The following GPHN variants were observed in gnomAD, a reference collection of about 807,000 sequenced individuals.
The protein encoded by GPHN is gephyrin.
In GPHN, 17 loss-of-function variants were observed where a neutral mutation model predicts 95.5. That is an observed-to-expected ratio of 0.18 (90% confidence interval 0.12 to 0.27). The LOEUF (loss-of-function observed/expected upper bound fraction) is 0.27, where lower values mean the gene tolerates loss of function less well. Among genes scored for constraint, GPHN ranks in the 10% least tolerant of loss-of-function variants. GPHN has a pLI of 1.00. For missense variants in GPHN, 660 were observed against 978.1 expected (o/e 0.67, Z 4.34); for synonymous variants, 320 against 322.5 (o/e 0.99, Z 0.08).
At chr14:66,538,181 C>T (rs2059209157) in intron 1 of GPHN, among the ~76,000 whole-genome samples, 1 of 152,072 alleles carries the variant, frequency 6.6e-6, no homozygotes, top group South Asian at 2.1e-4. Flanking sequence ...CTTTGTTTTT[C>T]CTTATTGTTG....
At chr14:67,653,857 C>G in the GPHN span, among the ~76,000 whole-genome samples, 1 of 152,222 alleles carries the variant, frequency 6.6e-6, no homozygotes, top group African/African-American at 2.4e-5. Context: ...CAGCCAAATT[C>G]CAGGACAGCC....
chr14:66,913,856 G>C lies in GPHN; in HGVS notation c.390-2147G>C, dbSNP rs145660851. On this transcript the variant is annotated intron_variant, in intron 5 of 22. Transcript: ENST00000478722. ...TGGTGCTTATAGTTTTTAAATTATT[G>C]AATGATATAATGTTTGTAAAAATAC... 2.7e-3 allele frequency among the ~76,000 whole-genome samples: 415 copies of C among 152,122 alleles called. 1 individual carries two copies. The highest frequency in any genetic ancestry group is 4.4e-3 in the Non-Finnish European group (301 of 67,982).
chr14:66,833,459 A>G (rs1012213403), intron 4 of GPHN, among the ~76,000 whole-genome samples: 3 of 152,188 alleles, frequency 2.0e-5, no homozygotes, highest in Admixed American at 1.3e-4. Flanking sequence ...GGTGGGACAC[A>G]GCCAAACCAT....
chr14:67,527,289 C>T, the GPHN span, among the ~76,000 whole-genome samples: 8 of 152,134 alleles, frequency 5.3e-5, no homozygotes, highest in African/African-American at 1.7e-4. Context: ...GTCTATGCAT[C>T]TATAAAATGG....
At chr14:67,690,297 C>T in the GPHN span, 1 of 1,614,152 alleles carries the variant, frequency 6.2e-7, no homozygotes, top group Non-Finnish European at 8.5e-7. Context: ...TGTAGAATTT[C>T]TCGCCCTGCA....
intron 11 of GPHN, among the ~76,000 whole-genome samples, chr14:67,070,882 C>T (rs1171459742): frequency 6.6e-6 from 1 of 151,598 alleles, no homozygotes. Flanking sequence ...CCTATTCACA[C>T]AGAAATCAGG....
intron 8 of GPHN, 129 bp downstream of exon 8, chr14:66,924,421 T>G: frequency 1.4e-6 from 1 of 703,246 alleles, no homozygotes; most frequent in Non-Finnish European, 2.6e-6. Context: ...TGCTTTCTTG[T>G]GAAAGTGTGA....
At chr14:66,667,084 G>A (rs2066007888) in intron 1 of GPHN, among the ~76,000 whole-genome samples, 1 of 152,134 alleles carries the variant, frequency 6.6e-6, no homozygotes, top group Admixed American at 6.5e-5. Flanking sequence ...TAACAACAAA[G>A]CGAAAGATCT....
intron 11 of GPHN, among the ~76,000 whole-genome samples, chr14:67,063,041 T>C (rs945259895): frequency 1.7e-4 from 26 of 152,242 alleles, no homozygotes; most frequent in Middle Eastern, 3.2e-3. Flanking sequence ...TTCTAGGATT[T>C]TTATGGTTTT....
rs961594680 is a variant in GPHN, at chr14:66,787,871, C to A, written c.201+11350C>A. Among the ~76,000 whole-genome samples the A allele has an allele frequency of 4.1e-5, 6 of 147,554 alleles. No homozygotes were observed. In the South Asian group the frequency reaches 1.3e-3, roughly 31 times the overall value. On this transcript the variant is annotated intron_variant, in intron 3 of 22. Transcript: ENST00000478722. ...ATATAAAAAGTATTATATATATATA[C>A]TGTAAAACTGTCAGAAGAAAAAAAA...
intron 8 of GPHN, among the ~76,000 whole-genome samples, chr14:66,942,988 C>T (rs185288239): frequency 3.3e-5 from 5 of 152,292 alleles, no homozygotes; most frequent in African/African-American, 9.6e-5. Context: ...TGACCCTTTA[C>T]AAATTTTGCA....
At chr14:66,744,878 G>A (rs1051048969) in intron 2 of GPHN, among the ~76,000 whole-genome samples, 1 of 151,906 alleles carries the variant, frequency 6.6e-6, no homozygotes, top group African/African-American at 2.4e-5. Context: ...TTACTTATAA[G>A]GATTTATGAT....
intron 9 of GPHN, among the ~76,000 whole-genome samples, chr14:66,981,025 G>T (rs2070631594): frequency 6.6e-6 from 1 of 152,124 alleles, no homozygotes. Context: ...TTCCAGCCTG[G>T]GCAACAAGAG....
intron 5 of GPHN, among the ~76,000 whole-genome samples, chr14:66,901,532 T>C (rs2065131419): frequency 6.6e-6 from 1 of 151,742 alleles, no homozygotes; most frequent in Non-Finnish European, 1.5e-5. Flanking sequence ...TAAGTCTTTA[T>C]TTTGATTTGA....
At chr14:67,175,888 T>C (rs1303464572) in intron 21 of GPHN, among the ~76,000 whole-genome samples, 1 of 152,230 alleles carries the variant, frequency 6.6e-6, no homozygotes, top group Non-Finnish European at 1.5e-5. Context: ...TTGTGTGTTA[T>C]TGGTGTATAC....
the GPHN span, among the ~76,000 whole-genome samples, chr14:67,445,408 G>A: frequency 6.6e-6 from 1 of 151,802 alleles, no homozygotes; most frequent in African/African-American, 2.4e-5. Context: ...TGAACTGGGG[G>A]ACACCCAGTT....
intron 2 of GPHN, among the ~76,000 whole-genome samples, chr14:66,774,117 C>T (rs1042443280): frequency 6.6e-6 from 1 of 151,196 alleles, no homozygotes; most frequent in African/African-American, 2.4e-5. Flanking sequence ...ATTCTCCTGC[C>T]TCAGCCTCCC....
chr14:67,331,055 T>C, the GPHN span, among the ~76,000 whole-genome samples: 2 of 151,912 alleles, frequency 1.3e-5, no homozygotes, highest in Non-Finnish European at 2.9e-5. Context: ...TATTTCTTTC[T>C]TTTTTTTGAG....
intron 21 of GPHN, among the ~76,000 whole-genome samples, chr14:67,174,678 C>T (rs549855427): frequency 6.6e-6 from 1 of 152,288 alleles, no homozygotes; most frequent in East Asian, 1.9e-4. Flanking sequence ...AATGGTTGAA[C>T]TAATTTACAC....
Sources: allele counts gnomAD v4.1 joint callset (sites outside exome capture counted in the v4.1 genomes callset), GRCh38; gene constraint gnomAD v4.1.1; transcripts MANE v1.5; gene names NCBI Gene and HGNC (gene_info 2026-07-23, HGNC 2026-07-21).